Variants in ADAMTS16 observed in about 807,000 individuals in gnomAD.
ADAMTS16 encodes ADAM metallopeptidase with thrombospondin type 1 motif 16.
In ADAMTS16, 94 loss-of-function variants were observed where a neutral mutation model predicts 145.8. That is an observed-to-expected ratio of 0.64 (90% CI 0.55 to 0.77). The LOEUF (loss-of-function observed/expected upper bound fraction) is 0.77, where lower values mean the gene tolerates loss of function less well. ADAMTS16 is among the 30% of genes least tolerant of loss of function. The probability of loss-of-function intolerance (pLI) is 0.00; values close to 1 mark genes in which losing one functional copy is unlikely to be tolerated. For synonymous variants in ADAMTS16, 659 were observed against 604.3 expected (o/e 1.09, Z -1.33); for missense variants, 1,585 against 1,591.5 (o/e 1.00, Z 0.07).
chr5:5,291,291 A>G (rs1300976842), intron 18 of ADAMTS16, among the ~76,000 whole-genome samples: 3 of 152,150 alleles, frequency 2.0e-5, no homozygotes, highest in Non-Finnish European at 2.9e-5. Flanking sequence ...ATAGGAAAAC[A>G]TGGCTTTCCC....
chr5:5,168,361 T>C (rs1365334072), intron 3 of ADAMTS16, among the ~76,000 whole-genome samples: 2 of 146,170 alleles, frequency 1.4e-5, no homozygotes, highest in Non-Finnish European at 3.0e-5. Flanking sequence ...ACATTATTAT[T>C]ATTATTATTA....
intron 11 of ADAMTS16, 37 bp from the exon 12 acceptor site, chr5:5,232,331 G>T: frequency 6.2e-7 from 1 of 1,613,554 alleles, no homozygotes; most frequent in Non-Finnish European, 8.5e-7. Context: ...ATCCATCTGT[G>T]TGAGTCAAGT....
chr5:5,302,267 G>T (rs2126509727), intron 18 of ADAMTS16, among the ~76,000 whole-genome samples: 1 of 152,336 alleles, frequency 6.6e-6, no homozygotes, highest in South Asian at 2.1e-4. Context: ...TTGACAACAT[G>T]CACGTTGATG....
chr5:5,206,384 C>T (rs921713472), intron 9 of ADAMTS16, among the ~76,000 whole-genome samples: 2 of 117,166 alleles, frequency 1.7e-5, no homozygotes, highest in Admixed American at 8.9e-5. Flanking sequence ...CGAGATCCCG[C>T]CACTGCACTC....
intron 11 of ADAMTS16, among the ~76,000 whole-genome samples, chr5:5,227,349 C>A (rs913085695): frequency 6.6e-6 from 1 of 152,208 alleles, no homozygotes; most frequent in African/African-American, 2.4e-5. Flanking sequence ...CATAAGTCAT[C>A]GTATCTGTCA....
At chr5:5,205,209 C>T (rs1736064317) in intron 9 of ADAMTS16, among the ~76,000 whole-genome samples, 1 of 151,180 alleles carries the variant, frequency 6.6e-6, no homozygotes. Context: ...TTTTTATTTA[C>T]ACTTTTAATG....
Position 5,227,505 on chromosome 5 carries a change from CTGTGTGTGTGTGTGTGTGTGTG to C in ADAMTS16, c.1701+4643_1701+4664del, listed in dbSNP as rs55875918. On this transcript the variant is annotated intron_variant, in intron 11 of 22. Coordinates refer to ENST00000274181, the MANE Select transcript of ADAMTS16 (RefSeq NM_139056.4). Reference sequence around the variant, plus strand: ...TGTGTGCCTAAAATTAGATCTAATACTGTGTGTGTGTGTGTGTGTGTGTGTGTGTGTGTGTGTGTGTGTCTCT... The same window carrying C: ...TGTGTGCCTAAAATTAGATCTAATACTGTGTGTGTGTGTGTGTGTGTCTCT... Among the ~76,000 whole-genome samples the C allele has an allele frequency of 5.0e-4, 74 of 148,362 alleles. 1 individual carries two copies. Among genetic ancestry groups the C allele is most frequent in the Non-Finnish European group, 1.0e-4 (7 of 67,114 alleles).
rs1170318889 is a variant in ADAMTS16 at position 5,191,800 on chromosome 5, T to C, written c.1313+10T>C. On this transcript the variant is annotated intron_variant, in intron 8 of 22. Coordinates refer to ENST00000274181, the MANE Select transcript of ADAMTS16 (RefSeq NM_139056.4). ...ATGAGTCTGGACACAAGTAAGTGCA[T>C]CTCCATGGGAGGATGGCATCCCGAG... 2 of 1,593,568 alleles carry C rather than the reference T, an allele frequency of 1.3e-6. No homozygotes were observed. The highest frequency in any genetic ancestry group is 3.5e-5 in the Admixed American group (2 of 56,550).
At chr5:5,205,798 T>C (rs1195765836) in intron 9 of ADAMTS16, among the ~76,000 whole-genome samples, 3 of 152,250 alleles carry the variant, frequency 2.0e-5, no homozygotes, top group Admixed American at 6.5e-5. Context: ...TTATTCTTAC[T>C]GTTTCTTGTT....
chr5:5,243,816 T>C (rs2126395300), intron 17 of ADAMTS16, among the ~76,000 whole-genome samples: 1 of 152,292 alleles, frequency 6.6e-6, no homozygotes, highest in Admixed American at 6.5e-5. Context: ...AACTCAGTGT[T>C]CTCAGCTGCT....
At chr5:5,202,424 A>G (rs1422623145) in intron 9 of ADAMTS16, among the ~76,000 whole-genome samples, 1 of 152,226 alleles carries the variant, frequency 6.6e-6, no homozygotes, top group African/African-American at 2.4e-5. Flanking sequence ...GCTATTCTAC[A>G]ACTGACATGA....
intron 3 of ADAMTS16, among the ~76,000 whole-genome samples, chr5:5,166,816 A>G (rs1734897586): frequency 1.3e-5 from 2 of 152,218 alleles, no homozygotes; most frequent in African/African-American, 2.4e-5. Flanking sequence ...AATTGGTGAA[A>G]GTATCATATG....
At chr5:5,209,343 C>G in intron 10 of ADAMTS16, 97 bp downstream of exon 10, 2 of 1,412,426 alleles carry the variant, frequency 1.4e-6, no homozygotes, top group Non-Finnish European at 1.9e-6. Flanking sequence ...TATTGGGTAC[C>G]TACCAAATGT....
chr5:5,276,787 A>C (rs1738718077), intron 18 of ADAMTS16, among the ~76,000 whole-genome samples: 1 of 152,192 alleles, frequency 6.6e-6, no homozygotes, highest in South Asian at 2.1e-4. Flanking sequence ...GGCCCCGGAA[A>C]GAGAACATCT....
At chr5:5,303,194 C>T in intron 18 of ADAMTS16, 74 bp from the exon 19 acceptor site, 2 of 1,425,708 alleles carry the variant, frequency 1.4e-6, no homozygotes, top group Non-Finnish European at 9.3e-7. Context: ...CCGCTGCCTC[C>T]ACATCAGATG....
At position 5,269,922 on chromosome 5, in the gene ADAMTS16, T is replaced by C. The variant is rs1201573708; in HGVS notation, c.2789+7139T>C. Among the ~76,000 whole-genome samples, 1 of 152,200 alleles carries C rather than the reference T, an allele frequency of 6.6e-6. No individual in the cohort carries two copies. Among genetic ancestry groups the C allele is most frequent in the Non-Finnish European group, 1.5e-5 (1 of 68,028 alleles). ...AGCAGAGGGCCAGTCTAGGGGAAGC[T>C]GGAGCTGATGTGTCCTACAGCAAGT... On this transcript the variant is annotated intron_variant, in intron 18 of 22. Transcript: ENST00000274181. The surrounding 1 kb of genome is among the most constrained non-coding windows in gnomAD (Gnocchi z 4.3).
chr5:5,242,099 T>A lies in ADAMTS16; in HGVS notation c.2570T>A (p.Met857Lys), dbSNP rs748576935. The part of the protein sequence containing the change: ...RNPGVAWEYS[M>K]PRLGTEKQPP... ...CCGGGTGTTGCCTGGGAATACTCCA[T>A]GCCTCGCTTGGGGACCGAGAAGCAG... The change falls in exon 17 of 23, where the codon ATG becomes AAG. Residue 857 changes from methionine to lysine, a missense_variant. Met to Lys is a moderately conservative substitution (Grantham distance 95). Coordinates refer to ENST00000274181, the MANE Select transcript of ADAMTS16 (RefSeq NM_139056.4). The A allele has an allele frequency of 2.5e-6, 4 of 1,614,214 alleles. No homozygotes were observed. Among genetic ancestry groups the A allele is most frequent in the Non-Finnish European group, 3.4e-6 (4 of 1,180,028 alleles).
chr5:5,233,791 G>A (rs1370337997), intron 12 of ADAMTS16, among the ~76,000 whole-genome samples: 5 of 152,146 alleles, frequency 3.3e-5, no homozygotes, highest in African/African-American at 1.2e-4. Context: ...TGAAGGTGCT[G>A]CACAATGAAC....
chr5:5,184,629 A>G (rs1166709015), intron 4 of ADAMTS16, among the ~76,000 whole-genome samples: 1 of 152,080 alleles, frequency 6.6e-6, no homozygotes, highest in Non-Finnish European at 1.5e-5. Flanking sequence ...GAAAACCAAT[A>G]GTGAGGTTGG....
Sources: gnomAD v4.1 joint callset for allele counts (sites outside exome capture counted in the v4.1 genomes callset) on GRCh38, gnomAD v4.1.1 for gene constraint, Gnocchi (gnomAD v3.1) non-coding constraint, MANE v1.5 for transcripts, NCBI Gene and HGNC (gene_info 2026-07-23, HGNC 2026-07-21) for gene names.